MKRN2: variants seen among roughly 807,000 people sequenced by gnomAD.
MKRN2 encodes makorin ring finger protein 2, also known as E3 ubiquitin-protein ligase makorin-2.
In MKRN2, 32 loss-of-function variants were observed where a neutral mutation model predicts 45.4. The observed-to-expected ratio is 0.70, with a 90% CI of 0.53 to 0.95. The LOEUF (loss-of-function observed/expected upper bound fraction) is 0.95, where lower values mean the gene tolerates loss of function less well. Ranked by LOEUF, MKRN2 falls within the 40% of genes least tolerant of loss-of-function variation. The probability of loss-of-function intolerance (pLI) is 0.00; values close to 1 mark genes in which losing one functional copy is unlikely to be tolerated. For synonymous variants in MKRN2, 206 were observed against 192.4 expected (o/e 1.07, Z -0.59); for missense variants, 526 against 536.7 (o/e 0.98, Z 0.20).
intron 1 of MKRN2, among the ~76,000 whole-genome samples, chr3:12,568,457 G>C (rs1010323494): frequency 3.3e-5 from 5 of 152,194 alleles, no homozygotes; most frequent in Admixed American, 2.6e-4. Flanking sequence ...GCCCAGGGAA[G>C]TTGGTTTTGT....
chr3:12,573,669 G>A (rs901221234), intron 4 of MKRN2, among the ~76,000 whole-genome samples: 5 of 152,094 alleles, frequency 3.3e-5, no homozygotes, highest in Non-Finnish European at 7.4e-5. Flanking sequence ...CGAGGCAGGC[G>A]GATCACAAGG....
intron 6 of MKRN2, among the ~76,000 whole-genome samples, chr3:12,580,442 C>A (rs958019274): frequency 2.7e-5 from 4 of 145,666 alleles, no homozygotes; most frequent in Admixed American, 6.8e-5. Context: ...TCTCTCCCCC[C>A]ACCCTACCCC....
chr3:12,565,559 A>G (rs796965780), intron 1 of MKRN2, among the ~76,000 whole-genome samples: 28 of 107,338 alleles, frequency 2.6e-4, no homozygotes, highest in African/African-American at 1.0e-3. Context: ...TTTGGGAGAC[A>G]GGGTCTCACT....
intron 1 of MKRN2, among the ~76,000 whole-genome samples, chr3:12,567,081 G>A (rs1351512623): frequency 6.6e-6 from 1 of 151,826 alleles, no homozygotes; most frequent in East Asian, 1.9e-4. Context: ...ATTATTTTCT[G>A]CTTTTTGGCA....
intron 6 of MKRN2, among the ~76,000 whole-genome samples, chr3:12,577,679 ATT>A (rs11307614): frequency 6.1e-4 from 90 of 147,238 alleles, no homozygotes; most frequent in Admixed American, 7.5e-4. Context: ...TAAAGTGATG[ATT>A]TTTTTTTTTT....
chr3:12,562,826 C>A (rs1300575577), intron 1 of MKRN2, among the ~76,000 whole-genome samples: 1 of 151,814 alleles, frequency 6.6e-6, no homozygotes, highest in African/African-American at 2.4e-5. Context: ...CACTGTCTCC[C>A]ATGACCCCCA....
At chr3:12,573,589 C>T (rs1280991975) in intron 4 of MKRN2, among the ~76,000 whole-genome samples, 2 of 151,852 alleles carry the variant, frequency 1.3e-5, no homozygotes, top group African/African-American at 4.8e-5. Flanking sequence ...GCTTGGCTAA[C>T]TTTTAAAATT....
intron 1 of MKRN2, among the ~76,000 whole-genome samples, chr3:12,564,767 C>G (rs1363608243): frequency 6.6e-6 from 1 of 152,212 alleles, no homozygotes; most frequent in African/African-American, 2.4e-5. Flanking sequence ...TGCCCATTAA[C>G]AGTCACCCTC....
chr3:12,570,759 T>C (rs1575519681), intron 3 of MKRN2, among the ~76,000 whole-genome samples: 1 of 151,720 alleles, frequency 6.6e-6, no homozygotes. Context: ...GGCAGGTGTC[T>C]GTAATCCCAG....
At position 12,576,577 on chromosome 3, in the gene MKRN2, G is replaced by A. The variant is rs1258689453; in HGVS notation, c.858-54G>A. 5 of 1,297,148 alleles carry A rather than the reference G, an allele frequency of 3.9e-6. No homozygotes were observed. The East Asian group carries it at 1.2e-4, about 31-fold the overall frequency. 80.4% of individuals were successfully genotyped at this position (1,297,148 alleles called of 1,614,324 possible). A position where few individuals can be genotyped will look rare whatever the true frequency, so the allele number is the denominator to read the frequency against. On this transcript the variant is annotated intron_variant, in intron 5 of 7. Transcript: ENST00000170447. ...TTGAGCAAGAGGTTTAGCAGAGAGTGTGCCCAGGCTTCGTAACATGACTTC... is the reference window on the plus strand; with the variant it reads ...TTGAGCAAGAGGTTTAGCAGAGAGTATGCCCAGGCTTCGTAACATGACTTC...
At chr3:12,581,753 GT>G in intron 6 of MKRN2, 54 bp from the exon 7 acceptor site, 1 of 1,599,408 alleles carries the variant, frequency 6.3e-7, no homozygotes, top group Non-Finnish European at 8.5e-7. Context: ...CAGTGGCCCA[GT>G]TTGGACCCCT....
intron 4 of MKRN2, among the ~76,000 whole-genome samples, chr3:12,572,745 C>T (rs1447673639): frequency 2.0e-5 from 3 of 151,924 alleles, no homozygotes; most frequent in South Asian, 2.1e-4. Context: ...CCACCACACC[C>T]GGCTACTTTT....
rs563158740 is a variant in MKRN2, at chr3:12,572,101, C to T, written c.370C>T (p.Pro124Ser). 2 of 1,612,280 alleles carry T rather than the reference C, an allele frequency of 1.2e-6. No individual in the cohort carries two copies. The highest frequency in any genetic ancestry group is 1.7e-6 in the Non-Finnish European group (2 of 1,178,984). The part of the protein sequence containing the change: ...LSGMAERKTQ[P>S]SMVSNPGSCS... ...TGGCATGGCTGAAAGGAAGACCCAGCCGAGCATGGTGAGTAATCCAGGCAG... is the reference window on the plus strand; with the variant it reads ...TGGCATGGCTGAAAGGAAGACCCAGTCGAGCATGGTGAGTAATCCAGGCAG... The change falls in exon 4 of 8, where the codon CCG becomes TCG. Residue 124 changes from proline to serine, a missense_variant. By Grantham distance (74) the Pro-to-Ser change is moderately conservative. Coordinates refer to ENST00000170447, the MANE Select transcript of MKRN2 (RefSeq NM_014160.5).
chr3:12,568,927 G>C lies in MKRN2; in HGVS notation c.79G>C (p.Asp27His). The C allele has an allele frequency of 3.1e-6, 5 of 1,614,142 alleles. No individual in the cohort carries two copies. The highest frequency in any genetic ancestry group is 4.2e-6 in the Non-Finnish European group (5 of 1,180,026). ...REGSQCLFSH[D>H]LANSKPSTIC... is the part of the protein sequence containing the mutation. Reference sequence around the variant, plus strand: ...AGGAAGTCAGTGCCTATTCTCACATGACTTGGCAAACAGCAAACCGTCCAC... The same window carrying C: ...AGGAAGTCAGTGCCTATTCTCACATCACTTGGCAAACAGCAAACCGTCCAC... The change falls in exon 2 of 8, where the codon GAC becomes CAC. Residue 27 changes from aspartate (D) to histidine (H), a missense_variant. By Grantham distance (81) the Asp-to-His change is moderately conservative. Transcript: ENST00000170447.
In MKRN2 at chr3:12,582,336, A is replaced by G; in HGVS notation, c.*83A>G. The G allele has an allele frequency of 6.4e-7, 1 of 1,553,928 alleles. No individual in the cohort carries two copies. The highest frequency in any genetic ancestry group is 8.8e-7 in the Non-Finnish European group (1 of 1,136,618). ...GGTGTGCGGAGCTTCCCTGTACTGC[A>G]GCCAAGGTGACGTGTGACTTGGATT... On this transcript the variant is annotated 3_prime_UTR_variant, in exon 8 of 8. Transcript: ENST00000170447.
intron 1 of MKRN2, among the ~76,000 whole-genome samples, chr3:12,563,556 C>T (rs1448814821): frequency 1.4e-5 from 2 of 143,792 alleles, no homozygotes; most frequent in Non-Finnish European, 3.0e-5. Flanking sequence ...GTGGCACGAT[C>T]TCGGCTCACT....
Position 12,559,196 on chromosome 3 carries a change from A to G in MKRN2, c.26+2020A>G, listed in dbSNP as rs74496576. 6.9e-3 allele frequency among the ~76,000 whole-genome samples: 1,045 copies of G among 152,352 alleles called. 6 individuals are homozygous for G. The highest frequency in any genetic ancestry group is 0.011 in the Non-Finnish European group (782 of 68,030). On this transcript the variant is annotated intron_variant, in intron 1 of 7. Transcript: ENST00000170447. ...ATGACTGCCTTGCCAAATAAAAAAC[A>G]TAACAGGTGTTTTAAGTGGGAAAAA... is the stretch of plus-strand genomic sequence containing the variant.
In MKRN2 at chr3:12,576,688, G is replaced by A. The variant is rs1357873247; in HGVS notation, c.915G>A (p.Val305=). 12 of 1,610,738 alleles carry A rather than the reference G, an allele frequency of 7.4e-6. No individual in the cohort carries two copies. The African/African-American group carries it at 1.3e-4, about 18-fold the overall frequency. The change falls in exon 6 of 8, where the codon GTG becomes GTA. Residue 305 remains valine (V), a synonymous_variant. Transcript: ENST00000170447. ...TTGTAATTCCAAGTGTGTATTGGGT[G>A]GAAGATCAGAATAAAAAGAACGAGT... ...SEFVIPSVYW[V]EDQNKKNELI...
chr3:12,572,031 C>T (rs754593190), intron 3 of MKRN2, 38 bp from the exon 4 acceptor site: 6 of 1,522,942 alleles, frequency 3.9e-6, no homozygotes, highest in South Asian at 1.3e-5. Context: ...AAAAATGGGG[C>T]CATTTTCATG....
Sources: allele counts gnomAD v4.1 joint callset (sites outside exome capture counted in the v4.1 genomes callset), GRCh38; gene constraint gnomAD v4.1.1; transcripts MANE v1.5; gene names NCBI Gene and HGNC (gene_info 2026-07-23, HGNC 2026-07-21).